Variants in NBEAL1 observed in about 807,000 individuals in gnomAD.
NBEAL1 encodes neurobeachin like 1, also known as neurobeachin-like protein 1.
Under a neutral mutation model 351.3 loss-of-function variants are expected in NBEAL1, and 273 were observed. That is an observed-to-expected ratio of 0.78 (90% CI 0.70 to 0.86). The LOEUF (loss-of-function observed/expected upper bound fraction) is 0.86, where lower values mean the gene tolerates loss of function less well. Among genes scored for constraint, NBEAL1 ranks in the 40% least tolerant of loss-of-function variants. The probability of loss-of-function intolerance (pLI) is 0.00; values close to 1 mark genes in which losing one functional copy is unlikely to be tolerated. For missense variants in NBEAL1, 2,961 were observed against 3,201.3 expected, an observed-to-expected ratio of 0.92 and a Z score of 1.81; for synonymous variants, 1,050 against 1,086.4, an observed-to-expected ratio of 0.97 and a Z score of 0.66.
intron 4 of NBEAL1, among the ~76,000 whole-genome samples, chr2:203,051,679 G>T (rs565215811): frequency 4.6e-5 from 7 of 151,970 alleles, no homozygotes; most frequent in African/African-American, 1.7e-4. Flanking sequence ...ACAGATATTT[G>T]TTTTCAATTC....
At chr2:203,213,922 C>A (rs960813515) in intron 55 of NBEAL1, 1 of 373,126 alleles carries the variant, frequency 2.7e-6, no homozygotes, top group Non-Finnish European at 3.7e-6. Flanking sequence ...TTCAAGACCA[C>A]AACTTAGATT....
chr2:203,190,159 TACACACACACACACACACACACACAC>T (rs71034227), intron 45 of NBEAL1, 107 bp from the exon 46 acceptor site: 99 of 450,216 alleles, frequency 2.2e-4, no homozygotes, highest in South Asian at 9.6e-4. Context: ...AAGATGTGTG[TACACACACACACACACACACACACAC>T]ACACACACAC....
At chr2:203,138,590 T>A in intron 30 of NBEAL1, 30 bp from the exon 31 acceptor site, 1 of 1,562,020 alleles carries the variant, frequency 6.4e-7, no homozygotes, top group Non-Finnish European at 8.6e-7. Flanking sequence ...CTGAATGTTT[T>A]TATTTCTCAA....
rs57126638 is a variant in NBEAL1, at chr2:203,119,424, CTT to C, written c.2593-2811_2593-2810del. On this transcript the variant is annotated intron_variant, in intron 18 of 55. Coordinates refer to ENST00000683969, the MANE Select transcript of NBEAL1 (RefSeq NM_001378026.1). ...GTGAGCCACTGCATACGGCCTGTTG[CTT>C]TTTTTTTTTTTTTTTTTTGAGACGG... Among the ~76,000 whole-genome samples the C allele has an allele frequency of 3.4e-3, 228 of 66,650 alleles. 2 individuals carry two copies. The highest frequency in any genetic ancestry group is 0.011 in the African/African-American group (192 of 17,518). The allele number at this position is 66,650 out of a possible 152,430, so 43.7% of individuals were successfully genotyped here.
chr2:203,204,221 C>A (rs1218244069), intron 51 of NBEAL1, among the ~76,000 whole-genome samples: 1 of 150,126 alleles, frequency 6.7e-6, no homozygotes, highest in Non-Finnish European at 1.5e-5. Context: ...GCCACCGCAC[C>A]CGGCCCCATA....
chr2:203,206,384 C>CTCCCTCTCCCTCTCTCCCTCTGTCCCTT (rs1475986302), intron 51 of NBEAL1, among the ~76,000 whole-genome samples: 85 of 152,102 alleles, frequency 5.6e-4, no homozygotes, highest in African/African-American at 2.0e-3. Context: ...GTCTCTCCCT[C>CTCCCTCTCCCTCTCTCCCTCTGTCCCTT]TCCCTCTCCC....
intron 11 of NBEAL1, among the ~76,000 whole-genome samples, chr2:203,098,850 C>T (rs2062242934): frequency 1.3e-5 from 2 of 152,124 alleles, no homozygotes; most frequent in South Asian, 4.1e-4. Context: ...GGCATATGCA[C>T]ATGCCATCTT....
intron 41 of NBEAL1, among the ~76,000 whole-genome samples, chr2:203,173,411 A>T (rs2064384479): frequency 6.6e-6 from 1 of 152,146 alleles, no homozygotes; most frequent in African/African-American, 2.4e-5. Context: ...GAATAACCTG[A>T]TTTTAATTTC....
chr2:203,088,228 A>G (rs1233854921), intron 10 of NBEAL1, among the ~76,000 whole-genome samples: 1 of 152,226 alleles, frequency 6.6e-6, no homozygotes, highest in Non-Finnish European at 1.5e-5. Context: ...TATATATTGG[A>G]ATATGATTAA....
intron 18 of NBEAL1, 50 bp from the exon 19 acceptor site, chr2:203,122,204 T>G (rs1174021721): frequency 1.9e-6 from 2 of 1,071,648 alleles, no homozygotes; most frequent in Non-Finnish European, 2.7e-6. Flanking sequence ...GTGGTTAAAT[T>G]TATGTTTTGT....
chr2:203,058,511 C>A lies in NBEAL1; in HGVS notation c.515+1058C>A, dbSNP rs186029121. Among the ~76,000 whole-genome samples the A allele has an allele frequency of 2.8e-4, 43 of 152,348 alleles. No individual in the cohort carries two copies. The East Asian group carries it at 7.9e-3, about 28-fold the overall frequency. On this transcript the variant is annotated intron_variant, in intron 6 of 55. Transcript: ENST00000683969. ...CTAGACTTTTGGAGAAGAGGCCCTA[C>A]AGCACTGAGGTTCAGACCTCTGAGG... is the stretch of plus-strand genomic sequence containing the variant.
At position 203,132,739 on chromosome 2, in the gene NBEAL1, G is replaced by T. The variant is rs188464978; in HGVS notation, c.3725-319G>T. On this transcript the variant is annotated intron_variant, in intron 26 of 55. Coordinates refer to ENST00000683969, the MANE Select transcript of NBEAL1 (RefSeq NM_001378026.1). The stretch of plus-strand genomic sequence containing the variant: ...GTAGAATTTATGCCAGATGCTGGGA[G>T]TTTGGGGATATAAGATTCTTTGTCT... 3.5e-3 allele frequency among the ~76,000 whole-genome samples: 538 copies of T among 152,182 alleles called. 2 individuals carry two copies. The highest frequency in any genetic ancestry group is 4.4e-3 in the Non-Finnish European group (297 of 68,004).
chr2:203,114,150 C>A (rs2062637506), intron 17 of NBEAL1, among the ~76,000 whole-genome samples: 1 of 152,110 alleles, frequency 6.6e-6, no homozygotes, highest in African/African-American at 2.4e-5. Context: ...ATAAGGGGTT[C>A]TCTCAGACTA....
chr2:203,208,380 T>A (rs928250631), intron 51 of NBEAL1, among the ~76,000 whole-genome samples: 1 of 152,222 alleles, frequency 6.6e-6, no homozygotes, highest in Non-Finnish European at 1.5e-5. Context: ...AATAACATAC[T>A]TGGAAAAATT....
chr2:203,050,835 T>G (rs956992323), intron 4 of NBEAL1, among the ~76,000 whole-genome samples: 3 of 152,186 alleles, frequency 2.0e-5, no homozygotes, highest in Non-Finnish European at 4.4e-5. Context: ...ACCATTAGTT[T>G]AGGGGCACTG....
At chr2:203,093,974 A>G (rs562365678) in intron 10 of NBEAL1, among the ~76,000 whole-genome samples, 1 of 152,294 alleles carries the variant, frequency 6.6e-6, no homozygotes, top group South Asian at 2.1e-4. Context: ...ATTTATCACT[A>G]TTCATTGAAG....
intron 36 of NBEAL1, among the ~76,000 whole-genome samples, chr2:203,160,328 G>A (rs6435174): frequency 0.91 from 137,715 of 152,116 alleles, 62,941 homozygotes; most frequent in Non-Finnish European, 0.96. Context: ...TGATCCACCC[G>A]CCTCGGCTTC....
intron 39 of NBEAL1, among the ~76,000 whole-genome samples, chr2:203,171,451 A>G (rs1198696374): frequency 6.6e-6 from 1 of 152,050 alleles, no homozygotes; most frequent in Non-Finnish European, 1.5e-5. Flanking sequence ...CAAATAGTTT[A>G]AAAAATTAGC....
intron 2 of NBEAL1, among the ~76,000 whole-genome samples, chr2:203,037,709 C>T (rs1165802259): frequency 6.7e-6 from 1 of 148,992 alleles, no homozygotes; most frequent in Non-Finnish European, 1.5e-5. Flanking sequence ...GTGGCTCAAC[C>T]TATAATCCCA....
Sources: gnomAD v4.1 joint callset for allele counts (sites outside exome capture counted in the v4.1 genomes callset) on GRCh38, gnomAD v4.1.1 for gene constraint, MANE v1.5 for transcripts, NCBI Gene and HGNC (gene_info 2026-07-23, HGNC 2026-07-21) for gene names.